Variants in ANKRD30A observed in about 807,000 individuals in gnomAD.
The protein encoded by ANKRD30A is ankyrin repeat domain 30A.
In ANKRD30A, 170 loss-of-function variants were observed where a neutral mutation model predicts 166.3. The ratio of observed to expected loss-of-function variants is 1.02; its 90% CI spans 0.90 to 1.16. The LOEUF (loss-of-function observed/expected upper bound fraction) is 1.16, where lower values mean the gene tolerates loss of function less well. Among genes scored for constraint, ANKRD30A ranks in the 50% most tolerant of loss-of-function variants. ANKRD30A has a pLI of 0.00. For missense variants in ANKRD30A, 1,630 were observed against 1,518.0 expected (o/e 1.07, Z -1.23); for synonymous variants, 564 against 508.9 (o/e 1.11, Z -1.46).
intron 35 of ANKRD30A, among the ~76,000 whole-genome samples, chr10:37,232,261 A>G (rs1843444469): frequency 6.6e-6 from 1 of 151,706 alleles, no homozygotes; most frequent in African/African-American, 2.4e-5. Context: ...ACAAGACTGG[A>G]TCTTTAATTG....
the ANKRD30A span, chr10:37,248,311 TG>T: frequency 2.4e-6 from 1 of 410,046 alleles, no homozygotes; most frequent in Non-Finnish European, 4.8e-6. Context: ...TCTGGTCATC[TG>T]CCTATGAGAT....
At position 37,219,886 on chromosome 10, in the gene ANKRD30A, G is replaced by C. The variant is rs201764363; in HGVS notation, c.4174G>C (p.Ala1392Pro). The C allele has an allele frequency of 2.3e-4, 347 of 1,502,184 alleles. 2 individuals are homozygous for C. The highest frequency in any genetic ancestry group is 1.7e-3 in the South Asian group (128 of 75,872). 93.1% of individuals were successfully genotyped at this position (1,502,184 alleles called of 1,614,324 possible). The change falls in exon 34 of 36, where the codon GCA becomes CCA. Residue 1392 changes from alanine to proline, a missense_variant. Coordinates refer to ENST00000361713, the MANE Select transcript of ANKRD30A (RefSeq NM_052997.3). ...NRIYQYEKEK[A>P]ETENS The stretch of plus-strand genomic sequence containing the variant: ...TATATATCAATATGAAAAAGAGAAA[G>C]CAGAAACAGAAGTAAGTATCAAAAA...
chr10:37,263,043 A>G, the ANKRD30A span, among the ~76,000 whole-genome samples: 1 of 152,172 alleles, frequency 6.6e-6, no homozygotes. Flanking sequence ...GTTTATGATT[A>G]AAGATTAAGT....
intron 35 of ANKRD30A, 61 bp downstream of exon 35, chr10:37,231,741 A>G: frequency 3.9e-6 from 1 of 255,084 alleles, no homozygotes; most frequent in Non-Finnish European, 7.4e-6. Flanking sequence ...CTTGTTTTTA[A>G]GTAGGTGAAA....
At chr10:37,194,143 C>A (rs1305125865) in intron 27 of ANKRD30A, among the ~76,000 whole-genome samples, 1 of 151,854 alleles carries the variant, frequency 6.6e-6, no homozygotes, top group Non-Finnish European at 1.5e-5. Flanking sequence ...TTGCATGAGC[C>A]GAGCTTGTGC....
chr10:37,128,075 T>C (rs945973521), intron 1 of ANKRD30A, among the ~76,000 whole-genome samples: 4 of 152,022 alleles, frequency 2.6e-5, no homozygotes, highest in Non-Finnish European at 5.9e-5. Context: ...TATACAGAAG[T>C]ATGTTGACAT....
At position 37,198,606 on chromosome 10, in the gene ANKRD30A, C is replaced by A. The variant is rs561165431; in HGVS notation, c.2717-1121C>A. ...AGAGCTTCTTAGAGATATGGTGTTG[C>A]AACACGTTGTATCTCTGAAACTATC... On this transcript the variant is annotated intron_variant, in intron 29 of 35. Coordinates refer to ENST00000361713, the MANE Select transcript of ANKRD30A (RefSeq NM_052997.3). Among the ~76,000 whole-genome samples, 5 of 152,030 alleles carry A rather than the reference C, an allele frequency of 3.3e-5. No individual in the cohort carries two copies. The South Asian group carries it at 6.2e-4, about 19-fold the overall frequency.
intron 4 of ANKRD30A, 36 bp downstream of exon 4, chr10:37,132,382 G>T (rs953283190): frequency 3.1e-6 from 4 of 1,297,232 alleles, no homozygotes; most frequent in Non-Finnish European, 4.3e-6. Context: ...AAACACTTGA[G>T]TAGTGTTCTA....
Position 37,125,875 on chromosome 10 carries a change from G to C in ANKRD30A, c.88G>C (p.Asp30His). ...CAGCCAGCTAGTCTATACCAGCAACGACTCCTACATCGTCCACTCTGGGGA... is the reference window on the plus strand; with the variant it reads ...CAGCCAGCTAGTCTATACCAGCAACCACTCCTACATCGTCCACTCTGGGGA... ...PFSQLVYTSNDSYIVHSGDLR... is the reference protein window; with the variant it reads ...PFSQLVYTSNHSYIVHSGDLR... Residue 30 changes from aspartate to histidine, a missense_variant, in exon 1 of 36, where the codon GAC (aspartate) becomes CAC (histidine). Physicochemically the swap from Asp to His is moderately conservative, Grantham distance 81. Around this residue, in one of 4 missense-constraint regions of ANKRD30A, gnomAD observed 904 missense variants for 818.5 expected, o/e 1.10. Transcript: ENST00000361713. 6.6e-7 allele frequency: 1 copy of C among 1,505,232 alleles called. No homozygotes were observed. The highest frequency in any genetic ancestry group is 9.2e-7 in the Non-Finnish European group (1 of 1,087,234). 93.2% of individuals were successfully genotyped at this position (1,505,232 alleles called of 1,614,324 possible).
intron 12 of ANKRD30A, 126 bp downstream of exon 12, chr10:37,152,247 C>A: frequency 1.3e-6 from 1 of 776,174 alleles, no homozygotes; most frequent in Non-Finnish European, 2.0e-6. Flanking sequence ...TGATATTTTT[C>A]AGAATATGCT....
Position 37,217,857 on chromosome 10 carries a change from T to C in ANKRD30A, c.3246T>C (p.Ser1082=). ...ALRIQDIELK[S]VESNLNQVSH... ...GAATACAAGATATAGAATTGAAGAGTGTAGAAAGTAATTTGAATCAGGTAA... is the reference window on the plus strand; with the variant it reads ...GAATACAAGATATAGAATTGAAGAGCGTAGAAAGTAATTTGAATCAGGTAA... Residue 1082 remains serine (S), a synonymous_variant, in exon 33 of 36, where the codon AGT becomes AGC. Coordinates refer to ENST00000361713, the MANE Select transcript of ANKRD30A (RefSeq NM_052997.3). 1 of 1,553,784 alleles carries C rather than the reference T, an allele frequency of 6.4e-7. No homozygotes were observed. The highest frequency in any genetic ancestry group is 8.6e-7 in the Non-Finnish European group (1 of 1,157,196).
chr10:37,149,908 G>A (rs1837792565), intron 11 of ANKRD30A, 59 bp downstream of exon 11: 2 of 1,600,198 alleles, frequency 1.2e-6, no homozygotes. Context: ...CATTTTGATG[G>A]TCTTTCTATC....
At chr10:37,129,800 G>T in intron 1 of ANKRD30A, 93 bp from the exon 2 acceptor site, 1 of 606,182 alleles carries the variant, frequency 1.6e-6, no homozygotes, top group Non-Finnish European at 2.5e-6. Flanking sequence ...GGCAGAGAAA[G>T]AGCGTGGTAT....
intron 34 of ANKRD30A, among the ~76,000 whole-genome samples, chr10:37,225,638 G>C (rs1014389850): frequency 6.6e-6 from 1 of 151,658 alleles, no homozygotes; most frequent in East Asian, 1.9e-4. Context: ...ATTTTTTTGG[G>C]CTTGATTCTA....
chr10:37,142,843 A>G (rs763369260), intron 7 of ANKRD30A, among the ~76,000 whole-genome samples: 64 of 152,004 alleles, frequency 4.2e-4, no homozygotes, highest in Non-Finnish European at 8.5e-4. Flanking sequence ...TTGGCCTCCA[A>G]AAGTGCTGGG....
rs551456792 is a variant in ANKRD30A at position 37,190,998 on chromosome 10, T to A, written c.2512+1441T>A. 3.4e-4 allele frequency among the ~76,000 whole-genome samples: 51 copies of A among 152,008 alleles called. 1 individual carries two copies. The highest frequency in any genetic ancestry group is 1.1e-3 in the African/African-American group (45 of 41,412). On this transcript the variant is annotated intron_variant, in intron 25 of 35. Coordinates refer to ENST00000361713, the MANE Select transcript of ANKRD30A (RefSeq NM_052997.3). ...CATGCTACACGAAACCAGACTAATT[T>A]TAAAAACCATAAAACTCTGAATTTA... is the stretch of plus-strand genomic sequence containing the variant.
At chr10:37,198,530 G>A (rs908154874) in intron 29 of ANKRD30A, among the ~76,000 whole-genome samples, 28 of 152,080 alleles carry the variant, frequency 1.8e-4, no homozygotes, top group African/African-American at 6.5e-4. Context: ...AAATATTTAA[G>A]ATATTTCCTT....
the ANKRD30A span, among the ~76,000 whole-genome samples, chr10:37,258,962 CA>C: frequency 0.02 from 910 of 45,578 alleles, 1 homozygote; most frequent in African/African-American, 0.047. Context: ...GACTCCATCT[CA>C]AAAAAAAAAA....
In ANKRD30A at chr10:37,219,620, A is replaced by G. The variant is rs371878855; in HGVS notation, c.3908A>G (p.Gln1303Arg). 1 of 1,610,284 alleles carries G rather than the reference A, an allele frequency of 6.2e-7. No homozygotes were observed. Among genetic ancestry groups the G allele is most frequent in the Non-Finnish European group, 8.5e-7 (1 of 1,177,652 alleles). ...CQMKEAEHMYQNEQDNVNKHT... is the reference protein window; with the variant it reads ...CQMKEAEHMYRNEQDNVNKHT... ...ATGAAGGAAGCTGAACACATGTATC[A>G]AAACGAACAAGATAATGTGAACAAA... Residue 1303 changes from glutamine (Q) to arginine (R), a missense_variant, in exon 34 of 36, where the codon CAA becomes CGA. Gln to Arg is a conservative substitution (Grantham distance 43). Around this residue, in one of 4 missense-constraint regions of ANKRD30A, gnomAD observed 712 missense variants for 629.3 expected, o/e 1.13. Transcript: ENST00000361713.
Sources: gnomAD v4.1 joint callset for allele counts (sites outside exome capture counted in the v4.1 genomes callset) on GRCh38, gnomAD v4.1.1 for gene constraint, gnomAD v4.1.1 regional missense constraint, MANE v1.5 for transcripts, NCBI Gene and HGNC (gene_info 2026-07-23, HGNC 2026-07-21) for gene names.